The following ACACA variants were observed in gnomAD, a reference collection of about 807,000 sequenced individuals.
ACACA encodes the protein acetyl-CoA carboxylase alpha.
Under a neutral mutation model 296.1 loss-of-function variants are expected in ACACA, and 103 were observed. The observed-to-expected ratio is 0.35, with a 90% CI of 0.30 to 0.41. The LOEUF is 0.41. Among genes scored for constraint, ACACA ranks in the 10% least tolerant of loss-of-function variants. The pLI is 1.00. For synonymous variants in ACACA, 953 were observed against 1,038.6 expected, an observed-to-expected ratio of 0.92 and a Z score of 1.58; for missense variants, 1,554 against 2,989.7, an observed-to-expected ratio of 0.52 and a Z score of 11.20.
At chr17:37,195,256 TATTTA>T (rs989994154) in intron 35 of ACACA, among the ~76,000 whole-genome samples, 2 of 152,214 alleles carry the variant, frequency 1.3e-5, no homozygotes, top group African/African-American at 4.8e-5. Flanking sequence ...GGATGCCATT[TATTTA>T]ATTATGTACA....
intron 42 of ACACA, among the ~76,000 whole-genome samples, chr17:37,158,636 A>G (rs2076345802): frequency 6.6e-6 from 1 of 152,170 alleles, no homozygotes; most frequent in Non-Finnish European, 1.5e-5. Context: ...TCTCAAAAAA[A>G]CAAAACAAAA....
Position 37,188,159 on chromosome 17 carries a change from G to A in ACACA, c.4776+118C>T, listed in dbSNP as rs377447834. 553 of 985,220 alleles carry A rather than the reference G, an allele frequency of 5.6e-4. 9 individuals carry two copies. In the South Asian group the frequency reaches 7.5e-3, roughly 13 times the overall value. The allele number at this position is 985,220 out of a possible 1,614,324, so 61.0% of individuals were successfully genotyped here. Reference sequence around the variant, plus strand: ...TCATACAATCATTTAATCTTATAGAGGATAATCCCACCAGGTGAACCAATG... The same window carrying A: ...TCATACAATCATTTAATCTTATAGAAGATAATCCCACCAGGTGAACCAATG... On this transcript the variant is annotated intron_variant, in intron 39 of 55. Transcript: ENST00000616317.
chr17:37,105,130 T>C (rs2142912528), intron 52 of ACACA, among the ~76,000 whole-genome samples: 1 of 152,094 alleles, frequency 6.6e-6, no homozygotes, highest in African/African-American at 2.4e-5. Context: ...TCTTCAAAGC[T>C]TGGAATAAAA....
chr17:37,379,400 G>A (rs2050146226), intron 1 of ACACA: 1 of 1,610,342 alleles, frequency 6.2e-7, no homozygotes, highest in Non-Finnish European at 8.5e-7. Context: ...TGGAAAAGAG[G>A]AAGGGGGCAG....
chr17:37,321,188 T>G (rs763117636), intron 3 of ACACA, among the ~76,000 whole-genome samples: 1 of 152,208 alleles, frequency 6.6e-6, no homozygotes, highest in South Asian at 2.1e-4. Context: ...TAGATAGGCC[T>G]TCTCTCACTA....
intron 3 of ACACA, among the ~76,000 whole-genome samples, chr17:37,325,091 C>T (rs1191652881): frequency 6.6e-6 from 1 of 151,286 alleles, no homozygotes; most frequent in African/African-American, 2.4e-5. Context: ...ATCCCAGCTA[C>T]TCAGGGGGCT....
At chr17:37,320,124 G>A (rs1333053567) in intron 3 of ACACA, among the ~76,000 whole-genome samples, 1 of 151,806 alleles carries the variant, frequency 6.6e-6, no homozygotes, top group East Asian at 1.9e-4. Context: ...AACCCTGTCT[G>A]TAAAAAAAAT....
chr17:37,099,782 C>T (rs1417588221), intron 52 of ACACA, among the ~76,000 whole-genome samples: 3 of 152,116 alleles, frequency 2.0e-5, no homozygotes, highest in Admixed American at 6.5e-5. Context: ...AATATTTTCC[C>T]TTCTCCACAG....
intron 45 of ACACA, chr17:37,141,312 C>A: frequency 2.0e-6 from 1 of 510,006 alleles, no homozygotes; most frequent in South Asian, 1.6e-5. Context: ...TGCCCTCAGC[C>A]TTGCCTCCAT....
intron 47 of ACACA, among the ~76,000 whole-genome samples, chr17:37,127,063 G>T (rs2074824179): frequency 1.3e-5 from 2 of 152,136 alleles, no homozygotes; most frequent in African/African-American, 4.8e-5. Context: ...TTACTAGGGA[G>T]TCAATGAAAA....
At chr17:37,282,862 A>T (rs1284014057) in intron 5 of ACACA, among the ~76,000 whole-genome samples, 2 of 152,210 alleles carry the variant, frequency 1.3e-5, no homozygotes, top group Non-Finnish European at 2.9e-5. Context: ...CCTCAGGAAG[A>T]GAAAAAAAAA....
At chr17:37,405,264 C>A (rs2051435606) in intron 1 of ACACA, among the ~76,000 whole-genome samples, 1 of 152,176 alleles carries the variant, frequency 6.6e-6, no homozygotes, top group Non-Finnish European at 1.5e-5. Flanking sequence ...AAACTTGCCA[C>A]ATTACTGGGC....
chr17:37,146,885 T>C (rs979381525), intron 45 of ACACA, among the ~76,000 whole-genome samples: 12 of 137,878 alleles, frequency 8.7e-5, no homozygotes, highest in South Asian at 7.6e-4. Context: ...TTAAAATTCA[T>C]TGGGCATCAG....
rs542077915 is a variant in ACACA, at chr17:37,381,782, C to T, written c.38+24480G>A. 7.6e-3 allele frequency among the ~76,000 whole-genome samples: 1,152 copies of T among 151,914 alleles called. 10 individuals carry two copies. Among genetic ancestry groups the T allele is most frequent in the Non-Finnish European group, 0.013 (917 of 67,996 alleles). ...AGCTGGGACTACAGGCACTCGCCACCACACCCAGTTAATTTTTTGTATTTT... is the reference window on the plus strand; with the variant it reads ...AGCTGGGACTACAGGCACTCGCCACTACACCCAGTTAATTTTTTGTATTTT... On this transcript the variant is annotated intron_variant, in intron 1 of 55. Transcript: ENST00000616317.
chr17:37,098,462 C>T (rs570820236), intron 52 of ACACA, among the ~76,000 whole-genome samples: 2 of 152,208 alleles, frequency 1.3e-5, no homozygotes, highest in Non-Finnish European at 2.9e-5. Flanking sequence ...CTCCTGTTTC[C>T]GTGTACATGC....
intron 1 of ACACA, among the ~76,000 whole-genome samples, chr17:37,402,479 T>C (rs1245405409): frequency 1.3e-5 from 2 of 152,120 alleles, no homozygotes; most frequent in African/African-American, 4.8e-5. Flanking sequence ...ACAATATAAA[T>C]TTATTGTACA....
At chr17:37,102,208 T>C (rs973357779) in intron 52 of ACACA, among the ~76,000 whole-genome samples, 38 of 147,486 alleles carry the variant, frequency 2.6e-4, no homozygotes, top group African/African-American at 8.6e-4. Context: ...TCTTTTTTTT[T>C]TTTTTTTTTT....
chr17:37,311,959 T>C (rs911653164), intron 3 of ACACA, among the ~76,000 whole-genome samples: 9 of 151,688 alleles, frequency 5.9e-5, no homozygotes, highest in South Asian at 2.1e-4. Context: ...TCTTTAAAGA[T>C]TGATGACCTC....
At chr17:37,285,042 T>G in intron 3 of ACACA, 72 bp from the exon 4 acceptor site, 1 of 1,573,570 alleles carries the variant, frequency 6.4e-7, no homozygotes, top group Non-Finnish European at 8.7e-7. Flanking sequence ...ACCATACCCA[T>G]AACAGTACTT....
Sources: allele counts gnomAD v4.1 joint callset (sites outside exome capture counted in the v4.1 genomes callset), GRCh38; gene constraint gnomAD v4.1.1; transcripts MANE v1.5; gene names NCBI Gene and HGNC (gene_info 2026-07-23, HGNC 2026-07-21).